SARDH: variants seen among roughly 807,000 people sequenced by gnomAD.
SARDH encodes the protein sarcosine dehydrogenase, also known as sarcosine dehydrogenase, mitochondrial.
A neutral mutation model predicts 109.1 loss-of-function variants in SARDH; 95 were observed. The ratio of observed to expected loss-of-function variants is 0.87; its 90% confidence interval spans 0.74 to 1.03. The LOEUF is 1.03. Among genes scored for constraint, SARDH ranks in the 50% least tolerant of loss-of-function variants. The pLI, the probability that SARDH is intolerant of heterozygous loss-of-function variation, is 0.00. For missense variants in SARDH, 1,267 were observed against 1,287.8 expected (o/e 0.98, Z 0.25); for synonymous variants, 572 against 534.8 (o/e 1.07, Z -0.96).
chr9:133,732,504 T>C lies in SARDH; in HGVS notation c.429A>G (p.Leu143=). The C allele has an allele frequency of 6.2e-7, 1 of 1,613,534 alleles. No individual in the cohort carries two copies. The highest frequency in any genetic ancestry group is 1.1e-5 in the South Asian group (1 of 91,050). The change falls in exon 3 of 21, where the codon CTA becomes CTG. Residue 143 remains leucine (L), a synonymous_variant. Transcript: ENST00000439388. ...CCCCATTCTGGATCCAGCCCGTGTG[T>C]AGTCCCGTCTCCTCCTCCAGCTCCC... is the stretch of plus-strand genomic sequence containing the variant. ...VSRELEEETG[L]HTGWIQNGGL...
At chr9:133,737,245 C>G (rs992936588) in intron 1 of SARDH, among the ~76,000 whole-genome samples, 4 of 152,208 alleles carry the variant, frequency 2.6e-5, no homozygotes, top group African/African-American at 7.2e-5. Flanking sequence ...GGGCTGCCCC[C>G]CATCTCCTGC....
rs545480839 is a variant in SARDH, at chr9:133,721,913, C to T, written c.916-2871G>A. 1.2e-3 allele frequency among the ~76,000 whole-genome samples: 177 copies of T among 151,992 alleles called. 1 individual carries two copies. Among genetic ancestry groups the T allele is most frequent in the Admixed American group, 3.2e-3 (49 of 15,248 alleles). On this transcript the variant is annotated intron_variant, in intron 6 of 20. Transcript: ENST00000439388. Reference sequence around the variant, plus strand: ...GGAGGGTCATTTGAGGTCAGGAGTTCGAGACCAGCCTTGGCAACATGGTGA... The same window carrying T: ...GGAGGGTCATTTGAGGTCAGGAGTTTGAGACCAGCCTTGGCAACATGGTGA...
intron 3 of SARDH, 36 bp from the exon 4 acceptor site, chr9:133,731,520 G>A (rs761632166): frequency 6.2e-7 from 1 of 1,605,966 alleles, no homozygotes; most frequent in Non-Finnish European, 8.5e-7. Context: ...TGAGTCCGTG[G>A]GGAGCAGACC....
chr9:133,711,629 T>A (rs1456246918), intron 10 of SARDH, among the ~76,000 whole-genome samples: 1 of 152,098 alleles, frequency 6.6e-6, no homozygotes. Flanking sequence ...GTGGGCGTAA[T>A]GTCCTCATCA....
intron 1 of SARDH, among the ~76,000 whole-genome samples, chr9:133,735,926 G>C (rs12237736): frequency 6.6e-6 from 1 of 151,882 alleles, no homozygotes; most frequent in Non-Finnish European, 1.5e-5. Flanking sequence ...TGTAATCCCA[G>C]CTACTCTGGA....
chr9:133,713,003 T>G (rs1306303077), intron 9 of SARDH, 35 bp downstream of exon 9: 1 of 1,583,400 alleles, frequency 6.3e-7, no homozygotes, highest in South Asian at 1.1e-5. Context: ...AGGACCTCCC[T>G]CTTGGGGGCC....
In SARDH at chr9:133,674,012, C is replaced by A. The variant is rs138600988; in HGVS notation, c.2164-2315G>T. Among the ~76,000 whole-genome samples, 569 of 152,284 alleles carry A rather than the reference C, an allele frequency of 3.7e-3. 6 individuals are homozygous for A. Among genetic ancestry groups the A allele is most frequent in the African/African-American group, 0.013 (554 of 41,566 alleles). On this transcript the variant is annotated intron_variant, in intron 17 of 20. Coordinates refer to ENST00000439388, the MANE Select transcript of SARDH (RefSeq NM_001134707.2). Reference sequence around the variant, plus strand: ...CCTGGCCCAAGAAACAGTCCCTGAACGAAGGAGCAAAACGGGGGCCACACC... The same window carrying A: ...CCTGGCCCAAGAAACAGTCCCTGAAAGAAGGAGCAAAACGGGGGCCACACC...
chr9:133,727,112 C>A (rs1223131358), intron 6 of SARDH, among the ~76,000 whole-genome samples: 1 of 152,216 alleles, frequency 6.6e-6, no homozygotes, highest in Non-Finnish European at 1.5e-5. Flanking sequence ...CAGAGCACGA[C>A]TGTGAAACCC....
At chr9:133,714,079 T>C (rs1343857767) in intron 8 of SARDH, among the ~76,000 whole-genome samples, 1 of 152,192 alleles carries the variant, frequency 6.6e-6, no homozygotes, top group Non-Finnish European at 1.5e-5. Flanking sequence ...CCACACCATG[T>C]TAGACTCTAG....
chr9:133,670,797 T>C (rs143593506), intron 18 of SARDH, 45 bp from the exon 19 acceptor site: 144 of 1,513,546 alleles, frequency 9.5e-5, no homozygotes, highest in Middle Eastern at 7.2e-4. Flanking sequence ...CTGAGGGGGA[T>C]AAGCCCTTCA....
chr9:133,662,777 C>T (rs1203786908), downstream of SARDH, among the ~76,000 whole-genome samples: 4 of 152,214 alleles, frequency 2.6e-5, no homozygotes, highest in Admixed American at 1.3e-4. This position sits in a 1 kb window ranked among gnomAD's most constrained non-coding sequence, Gnocchi z 5.1. Flanking sequence ...ATCTGCCTCC[C>T]GCTCTTCCCA....
At chr9:133,681,636 C>T (rs764421329) in intron 17 of SARDH, among the ~76,000 whole-genome samples, 10 of 152,166 alleles carry the variant, frequency 6.6e-5, no homozygotes, top group Admixed American at 5.2e-4. Flanking sequence ...CAGAGTCTCT[C>T]GAGCGCTAGT....
chr9:133,711,593 C>T (rs774065783), intron 10 of SARDH, among the ~76,000 whole-genome samples: 10 of 152,148 alleles, frequency 6.6e-5, no homozygotes, highest in Non-Finnish European at 1.0e-4. Context: ...TCACTGTCTC[C>T]GTGGGGTCAG....
chr9:133,717,247 C>T, intron 8 of SARDH, 79 bp downstream of exon 8: 1 of 1,557,134 alleles, frequency 6.4e-7, no homozygotes, highest in Non-Finnish European at 8.8e-7. Context: ...ACAGGCTGGT[C>T]TCACGGGGCA....
At position 133,731,360 on chromosome 9, in the gene SARDH, T is replaced by A; in HGVS notation, c.635A>T (p.Asp212Val). Residue 212 changes from aspartate to valine, a missense_variant, in exon 4 of 21, where the codon GAC becomes GTC. Transcript: ENST00000439388. The part of the protein sequence containing the change: ...TLYVPHDGTM[D>V]PAGTCTTLAR... Reference sequence around the variant, plus strand: ...GAGGGTGGTACAGGTGCCAGCGGGGTCCATGGTACCGTCGTGCGGCACATA... The same window carrying A: ...GAGGGTGGTACAGGTGCCAGCGGGGACCATGGTACCGTCGTGCGGCACATA... 6.2e-7 allele frequency: 1 copy of A among 1,614,074 alleles called. No individual in the cohort carries two copies. Among genetic ancestry groups the A allele is most frequent in the Non-Finnish European group, 8.5e-7 (1 of 1,180,010 alleles).
At chr9:133,670,554 C>T (rs748781454) in intron 19 of SARDH, 30 bp downstream of exon 19, 57 of 1,554,178 alleles carry the variant, frequency 3.7e-5, no homozygotes, top group Admixed American at 2.3e-4. Context: ...CAGTTGCTTC[C>T]GGGTGGGCGT....
chr9:133,684,561 GC>G (rs1460851780), intron 17 of SARDH, among the ~76,000 whole-genome samples: 76 of 152,198 alleles, frequency 5.0e-4, no homozygotes, highest in African/African-American at 1.7e-3. Context: ...TAGAATCTGG[GC>G]CCCGATCCTG....
intron 6 of SARDH, among the ~76,000 whole-genome samples, chr9:133,719,412 G>A (rs543180847): frequency 1.1e-4 from 16 of 152,286 alleles, no homozygotes; most frequent in Middle Eastern, 3.4e-3. Context: ...CCTGGAGGAC[G>A]CAGAGTGGAT....
chr9:133,734,266 C>CA, intron 1 of SARDH, 63 bp from the exon 2 acceptor site: 1 of 1,195,832 alleles, frequency 8.4e-7, no homozygotes, highest in Non-Finnish European at 1.1e-6. Flanking sequence ...GTGCTGAGTA[C>CA]CCAGGGAAAT....
Sources: gnomAD v4.1 joint callset for allele counts (sites outside exome capture counted in the v4.1 genomes callset) on GRCh38, gnomAD v4.1.1 for gene constraint, Gnocchi (gnomAD v3.1) non-coding constraint, MANE v1.5 for transcripts, NCBI Gene and HGNC (gene_info 2026-07-23, HGNC 2026-07-21) for gene names.